The following TRAPPC9 variants were observed in gnomAD, a reference collection of about 807,000 sequenced individuals.
TRAPPC9 encodes trafficking protein particle complex subunit 9.
Under a neutral mutation model 124.0 loss-of-function variants are expected in TRAPPC9, and 83 were observed. That is an observed-to-expected ratio of 0.67 (90% CI 0.56 to 0.80). TRAPPC9 has a LOEUF of 0.80. Ranked by LOEUF, TRAPPC9 falls within the 30% of genes least tolerant of loss-of-function variation. TRAPPC9 has a pLI of 0.00. For synonymous variants in TRAPPC9, 638 were observed against 617.5 expected (o/e 1.03, Z -0.49); for missense variants, 1,302 against 1,508.3 (o/e 0.86, Z 2.27).
intron 16 of TRAPPC9, among the ~76,000 whole-genome samples, chr8:140,242,954 G>A (rs1162647231): frequency 2.6e-5 from 4 of 152,122 alleles, no homozygotes; most frequent in Non-Finnish European, 4.4e-5. Flanking sequence ...AAAAGTGAAG[G>A]GGAAAGAGTA....
At chr8:140,112,080 A>G (rs1350547878) in intron 17 of TRAPPC9, among the ~76,000 whole-genome samples, 7 of 152,408 alleles carry the variant, frequency 4.6e-5, no homozygotes, top group African/African-American at 1.7e-4. Flanking sequence ...TAAACAGAGG[A>G]GGAATAATAA....
intron 17 of TRAPPC9, among the ~76,000 whole-genome samples, chr8:140,065,722 G>C (rs907111295): frequency 6.6e-6 from 1 of 152,108 alleles, no homozygotes; most frequent in African/African-American, 2.4e-5. Flanking sequence ...CTACTGCTTA[G>C]AAAAAAAGAT....
intron 14 of TRAPPC9, among the ~76,000 whole-genome samples, chr8:140,276,195 AAAAT>A (rs1318357877): frequency 1.3e-5 from 2 of 152,248 alleles, no homozygotes; most frequent in Non-Finnish European, 2.9e-5. Flanking sequence ...CAAAATCTAA[AAAAT>A]GTCATGCTTA....
intron 20 of TRAPPC9, among the ~76,000 whole-genome samples, chr8:139,890,036 C>T (rs994306144): frequency 2.6e-5 from 4 of 152,350 alleles, no homozygotes; most frequent in East Asian, 1.9e-4. Context: ...ACGATGAGGA[C>T]GGAGGCCGCC....
At chr8:140,226,413 G>A (rs2063452877) in intron 16 of TRAPPC9, among the ~76,000 whole-genome samples, 1 of 151,948 alleles carries the variant, frequency 6.6e-6, no homozygotes, top group Non-Finnish European at 1.5e-5. Context: ...GCAACATGGT[G>A]AAACCCCATC....
At chr8:139,874,729 TG>T (rs973017053) in intron 21 of TRAPPC9, among the ~76,000 whole-genome samples, 37 of 152,082 alleles carry the variant, frequency 2.4e-4, no homozygotes, top group African/African-American at 8.4e-4. Context: ...CTGTGGGCAG[TG>T]GGGGGCCTTC....
chr8:140,357,274 C>T (rs531390212), intron 9 of TRAPPC9, among the ~76,000 whole-genome samples: 5 of 152,130 alleles, frequency 3.3e-5, no homozygotes, highest in South Asian at 2.1e-4. Context: ...GGAGGTGCAC[C>T]GGCCCTGCTG....
chr8:140,271,800 A>G (rs4469435), intron 15 of TRAPPC9, among the ~76,000 whole-genome samples: 34,571 of 152,256 alleles, frequency 0.23, 4,247 homozygotes, highest in African/African-American at 0.31. Context: ...GAAGTCAAAC[A>G]GTGGTAGCCT....
chr8:139,999,342 G>A (rs1365673615), intron 18 of TRAPPC9, among the ~76,000 whole-genome samples: 1 of 151,874 alleles, frequency 6.6e-6, no homozygotes, highest in Non-Finnish European at 1.5e-5. Flanking sequence ...CACCTAAAGA[G>A]GGACATTATA....
At chr8:139,872,038 GGAT>G (rs1446077321) in intron 21 of TRAPPC9, among the ~76,000 whole-genome samples, 3 of 147,798 alleles carry the variant, frequency 2.0e-5, no homozygotes, top group African/African-American at 7.5e-5. Context: ...TTGGATAAGT[GGAT>G]GGATGGATGG....
In TRAPPC9 at chr8:140,389,447, C is replaced by A. The variant is rs146017890; in HGVS notation, c.1134+8173G>T. On this transcript the variant is annotated intron_variant, in intron 7 of 22. Transcript: ENST00000438773. ...AGGTGTGCACACCCACCAATGGTCA[C>A]TGCCGTCACGGCCACTCAGGCGAGT... Among the ~76,000 whole-genome samples, 82 of 152,334 alleles carry A rather than the reference C, an allele frequency of 5.4e-4. No individual in the cohort carries two copies. The East Asian group carries it at 0.015, about 28-fold the overall frequency.
intron 21 of TRAPPC9, among the ~76,000 whole-genome samples, chr8:139,885,382 C>T (rs1019760793): frequency 2.0e-5 from 3 of 152,160 alleles, no homozygotes; most frequent in African/African-American, 7.2e-5. Context: ...ACAAACCAAA[C>T]AATTTTCCAC....
intron 17 of TRAPPC9, among the ~76,000 whole-genome samples, chr8:140,169,413 G>C (rs954962209): frequency 6.6e-6 from 1 of 152,160 alleles, no homozygotes; most frequent in Non-Finnish European, 1.5e-5. Flanking sequence ...CTAGGATCCA[G>C]CAATTCCACG....
At chr8:140,209,135 G>A (rs975495050) in intron 17 of TRAPPC9, among the ~76,000 whole-genome samples, 4 of 152,324 alleles carry the variant, frequency 2.6e-5, no homozygotes, top group Middle Eastern at 3.4e-3. Context: ...TGCCTCTTCC[G>A]TGGCATCTCT....
At chr8:140,325,041 CAAT>C (rs1374571586) in intron 9 of TRAPPC9, among the ~76,000 whole-genome samples, 20 of 151,970 alleles carry the variant, frequency 1.3e-4, no homozygotes, top group African/African-American at 4.8e-4. Flanking sequence ...AAACAGAAAT[CAAT>C]AACAATACCA....
chr8:140,349,269 T>A (rs928214790), intron 9 of TRAPPC9, among the ~76,000 whole-genome samples: 1,410 of 20,052 alleles, frequency 0.07, 16 homozygotes, highest in Non-Finnish European at 0.084. Flanking sequence ...GGGGGGCCGA[T>A]GGGGGCGCAC....
At chr8:140,403,642 A>T (rs2069360064) in intron 6 of TRAPPC9, among the ~76,000 whole-genome samples, 1 of 149,068 alleles carries the variant, frequency 6.7e-6, no homozygotes, top group African/African-American at 2.4e-5. Context: ...GGAATATATA[A>T]CACTTTAAGA....
chr8:140,275,656 A>G lies in TRAPPC9; in HGVS notation c.2278+2T>C, dbSNP rs1563908080. The G allele has an allele frequency of 2.5e-6, 4 of 1,613,988 alleles. No individual in the cohort carries two copies. Among genetic ancestry groups the G allele is most frequent in the Non-Finnish European group, 3.4e-6 (4 of 1,179,878 alleles). ...AGGGTCAAAGCTGCTTACAATACCTACCTTTAGTGGTGAGAACTTTCGAGG... is the reference window on the plus strand; with the variant it reads ...AGGGTCAAAGCTGCTTACAATACCTGCCTTTAGTGGTGAGAACTTTCGAGG... On this transcript the variant is annotated splice_donor_variant, in intron 15 of 22. Coordinates refer to ENST00000438773, the MANE Select transcript of TRAPPC9 (RefSeq NM_001160372.4). LOFTEE classifies it high-confidence loss of function.
At chr8:139,968,205 A>G (rs72683285) in intron 19 of TRAPPC9, among the ~76,000 whole-genome samples, 5,639 of 152,122 alleles carry the variant, frequency 0.037, 203 homozygotes, top group African/African-American at 0.089. Flanking sequence ...AAAAAAGCAC[A>G]ATGGTGCTTC....
Sources: allele counts gnomAD v4.1 joint callset (sites outside exome capture counted in the v4.1 genomes callset), GRCh38; gene constraint gnomAD v4.1.1; transcripts MANE v1.5; gene names NCBI Gene and HGNC (gene_info 2026-07-23, HGNC 2026-07-21).